Variants in PKHD1 observed in about 807,000 individuals in gnomAD.
PKHD1 encodes the protein fibrocystin.
PKHD1 carries 291 observed loss-of-function variants against 412.0 expected under a neutral mutation model. The observed-to-expected ratio is 0.71, with a 90% CI of 0.64 to 0.78. The LOEUF is 0.78. Ranked by LOEUF, PKHD1 falls within the 30% of genes least tolerant of loss-of-function variation. The probability of loss-of-function intolerance (pLI) is 0.00; values close to 1 mark genes in which losing one functional copy is unlikely to be tolerated. For synonymous variants in PKHD1, 1,777 were observed against 1,821.5 expected (o/e 0.98, Z 0.62); for missense variants, 4,825 against 4,950.7 (o/e 0.97, Z 0.76).
intron 35 of PKHD1, among the ~76,000 whole-genome samples, chr6:51,984,070 G>C (rs1795920318): frequency 6.6e-6 from 1 of 152,218 alleles, no homozygotes. Context: ...TGAAAACTCT[G>C]AGTTATGACA....
At chr6:51,916,999 C>A (rs1382982373) in intron 37 of PKHD1, among the ~76,000 whole-genome samples, 6 of 152,000 alleles carry the variant, frequency 3.9e-5, no homozygotes, top group Admixed American at 3.9e-4. Context: ...ATTACACAGT[C>A]TCAGAGCACC....
intron 35 of PKHD1, among the ~76,000 whole-genome samples, chr6:51,981,727 G>A: frequency 1.4e-5 from 2 of 143,462 alleles, no homozygotes; most frequent in Non-Finnish European, 3.2e-5. Flanking sequence ...TGCAGCCTCT[G>A]CCCAGCCGCC....
chr6:51,988,885 TGACAA>T (rs1796530921), intron 35 of PKHD1, among the ~76,000 whole-genome samples: 1 of 152,318 alleles, frequency 6.6e-6, no homozygotes, highest in African/African-American at 2.4e-5. Context: ...GAGGAAGAGA[TGACAA>T]GACAAGTCCT....
At chr6:51,745,897 T>G (rs1029092837) in intron 59 of PKHD1, among the ~76,000 whole-genome samples, 1 of 152,148 alleles carries the variant, frequency 6.6e-6, no homozygotes, top group Admixed American at 6.5e-5. Context: ...CTACTCATGT[T>G]TAGGTACCTA....
rs1780277309 is a variant in PKHD1 at position 51,897,430 on chromosome 6, G to C, written c.6996+6167C>G. Among the ~76,000 whole-genome samples the C allele has an allele frequency of 2.0e-5, 3 of 152,086 alleles. No individual in the cohort carries two copies. In the South Asian group the frequency reaches 6.3e-4, roughly 32 times the overall value. On this transcript the variant is annotated intron_variant, in intron 43 of 66. Transcript: ENST00000371117. ...GCCAAACGAAGCCTCATAAGTGAAG[G>C]AGAAATAAAATCCTTTACAGACAAG... is the stretch of plus-strand genomic sequence containing the variant.
rs982008227 is a variant in PKHD1, at chr6:51,861,516, G to A, written c.7734-5446C>T. ...TTGCAAACATCTTCTGAGTATTTGT[G>A]CTTGTTGATGTCACTCTCATCTTTT... On this transcript the variant is annotated intron_variant, in intron 48 of 66. Transcript: ENST00000371117. Among the ~76,000 whole-genome samples, 6 of 152,156 alleles carry A rather than the reference G, an allele frequency of 3.9e-5. No individual in the cohort carries two copies. In the South Asian group the frequency reaches 1.2e-3, roughly 32 times the overall value.
chr6:51,671,116 T>C (rs1459739771), intron 60 of PKHD1, among the ~76,000 whole-genome samples: 1 of 152,168 alleles, frequency 6.6e-6, no homozygotes, highest in Non-Finnish European at 1.5e-5. Flanking sequence ...TTGGGGAAGT[T>C]CTCCTGGATA....
chr6:52,059,237 T>C (rs1412057052), intron 15 of PKHD1, among the ~76,000 whole-genome samples: 1 of 148,860 alleles, frequency 6.7e-6, no homozygotes, highest in African/African-American at 2.5e-5. Context: ...ACACAATCTT[T>C]CTTTTTTTTC....
intron 52 of PKHD1, among the ~76,000 whole-genome samples, chr6:51,798,357 T>A (rs4715239): frequency 6.6e-6 from 1 of 151,820 alleles, no homozygotes; most frequent in African/African-American, 2.4e-5. Flanking sequence ...CAGCCTGGGG[T>A]ACAGAGGAAG....
In PKHD1 at chr6:51,937,628, G is replaced by A. The variant is rs116361912; in HGVS notation, c.5909-3306C>T. Among the ~76,000 whole-genome samples the A allele has an allele frequency of 2.0e-3, 307 of 152,224 alleles. 3 individuals carry two copies. The highest frequency in any genetic ancestry group is 7.2e-3 in the African/African-American group (299 of 41,552). On this transcript the variant is annotated intron_variant, in intron 36 of 66. Coordinates refer to ENST00000371117, the MANE Select transcript of PKHD1 (RefSeq NM_138694.4). ...GCCATATGCCATCAGTAATAGTCAC[G>A]GGATGTATACTTGGACCAGACCCCT... is the stretch of plus-strand genomic sequence containing the variant.
At chr6:51,730,376 A>G (rs1486437055) in intron 60 of PKHD1, among the ~76,000 whole-genome samples, 1 of 152,156 alleles carries the variant, frequency 6.6e-6, no homozygotes, top group Admixed American at 6.5e-5. Context: ...ATTTTTGTAA[A>G]GAAAAAGATA....
At chr6:52,013,012 C>T (rs914340178) in intron 34 of PKHD1, among the ~76,000 whole-genome samples, 1 of 152,172 alleles carries the variant, frequency 6.6e-6, no homozygotes, top group African/African-American at 2.4e-5. Flanking sequence ...TGCCCATCAC[C>T]TCTGTTATGT....
At chr6:51,724,818 ATATTT>A (rs985472089) in intron 60 of PKHD1, among the ~76,000 whole-genome samples, 2 of 152,196 alleles carry the variant, frequency 1.3e-5, no homozygotes, top group Non-Finnish European at 2.9e-5. Flanking sequence ...AGTCCTAGGG[ATATTT>A]GACTACAGTA....
intron 60 of PKHD1, among the ~76,000 whole-genome samples, chr6:51,738,408 G>T (rs991309957): frequency 6.6e-6 from 1 of 152,174 alleles, no homozygotes; most frequent in East Asian, 1.9e-4. Context: ...GATATGTAAG[G>T]CGAATAAGTC....
At chr6:51,904,698 C>T (rs571813419) in intron 41 of PKHD1, among the ~76,000 whole-genome samples, 97 of 152,234 alleles carry the variant, frequency 6.4e-4, no homozygotes, top group African/African-American at 2.3e-3. Context: ...CAATAGATGT[C>T]AAAATCTTAT....
intron 6 of PKHD1, among the ~76,000 whole-genome samples, chr6:52,073,867 A>G (rs1810993679): frequency 6.6e-6 from 1 of 152,158 alleles, no homozygotes; most frequent in Admixed American, 6.5e-5. Context: ...ATCTCCACAC[A>G]CTGCCCTGTT....
At chr6:51,851,202 T>C (rs1368923844) in intron 49 of PKHD1, among the ~76,000 whole-genome samples, 3 of 152,226 alleles carry the variant, frequency 2.0e-5, no homozygotes, top group Admixed American at 1.3e-4. Flanking sequence ...ATTATGTTTA[T>C]TGATTTGTGT....
chr6:51,823,685 G>A (rs1766841993), intron 52 of PKHD1, among the ~76,000 whole-genome samples: 1 of 152,084 alleles, frequency 6.6e-6, no homozygotes, highest in African/African-American at 2.4e-5. Flanking sequence ...TCTGTCACAG[G>A]GAAAAATGCA....
At chr6:51,702,212 T>C (rs1201669240) in intron 60 of PKHD1, among the ~76,000 whole-genome samples, 1 of 147,180 alleles carries the variant, frequency 6.8e-6, no homozygotes, top group Non-Finnish European at 1.5e-5. Context: ...GTATAATATA[T>C]AATATATTAT....
Sources: allele counts gnomAD v4.1 joint callset (sites outside exome capture counted in the v4.1 genomes callset), GRCh38; gene constraint gnomAD v4.1.1; transcripts MANE v1.5; gene names NCBI Gene and HGNC (gene_info 2026-07-23, HGNC 2026-07-21).